Variants in LIN7C observed in about 807,000 individuals in gnomAD.
The protein encoded by LIN7C is protein lin-7 homolog C.
Under a neutral mutation model 24.7 loss-of-function variants are expected in LIN7C, and 17 were observed. The ratio of observed to expected loss-of-function variants is 0.69; its 90% confidence interval spans 0.47 to 1.03. LIN7C has a LOEUF of 1.03. Among genes scored for constraint, LIN7C ranks in the 50% least tolerant of loss-of-function variants. LIN7C has a pLI of 0.00. For missense variants in LIN7C, 204 were observed against 239.0 expected (o/e 0.85, Z 0.97); for synonymous variants, 90 against 83.4 (o/e 1.08, Z -0.43).
chr11:27,495,495 C>CA lies in LIN7C; in HGVS notation c.*3153dup, dbSNP rs1458332474. Reference sequence around the variant, plus strand: ...CTCAAAAAAAAACAAAAACAAAAAACAAAAAAAAAATTTGAATCGTCAAAT... The same window carrying CA: ...CTCAAAAAAAAACAAAAACAAAAAACAAAAAAAAAAATTTGAATCGTCAAAT... On this transcript the variant is annotated 3_prime_UTR_variant, in exon 5 of 5. Coordinates refer to ENST00000278193, the MANE Select transcript of LIN7C (RefSeq NM_018362.4). 28 of 146,530 alleles carry CA rather than the reference C, an allele frequency of 1.9e-4. No individual in the cohort carries two copies. The highest frequency in any genetic ancestry group is 2.7e-4 in the Non-Finnish European group (18 of 66,286). The allele number at this position is 146,530 out of a possible 1,614,324, so 9.1% of individuals were successfully genotyped here.
intron 1 of LIN7C, among the ~76,000 whole-genome samples, chr11:27,503,275 C>A (rs1342708350): frequency 2.0e-5 from 3 of 152,204 alleles, no homozygotes; most frequent in Admixed American, 6.5e-5. Flanking sequence ...TTCAGGAAGT[C>A]AGCTATAACA....
chr11:27,503,017 A>C (rs1269710778), intron 1 of LIN7C, among the ~76,000 whole-genome samples: 2 of 152,222 alleles, frequency 1.3e-5, no homozygotes, highest in African/African-American at 4.8e-5. Context: ...TGGGAGGCCG[A>C]GGCAGGAGAA....
intron 1 of LIN7C, among the ~76,000 whole-genome samples, chr11:27,503,802 A>G (rs1265933032): frequency 1.3e-5 from 2 of 150,364 alleles, no homozygotes; most frequent in Non-Finnish European, 3.0e-5. Context: ...TTGGGCCATC[A>G]CACCTGGCAG....
At chr11:27,500,206 A>AAAAC (rs1199150314) in intron 3 of LIN7C, among the ~76,000 whole-genome samples, 5 of 152,212 alleles carry the variant, frequency 3.3e-5, no homozygotes, top group Middle Eastern at 3.4e-3. Context: ...GGTAAGGAGG[A>AAAAC]AAACCCCTTC....
At position 27,498,676 on chromosome 11, in the gene LIN7C, T is replaced by C. The variant is rs1865193620; in HGVS notation, c.567A>G (p.Arg189=). 6.2e-7 allele frequency: 1 copy of C among 1,614,042 alleles called. No individual in the cohort carries two copies. Reference sequence around the variant, plus strand: ...AGGTCTGTTGCCTGCGTTTTGCTGATCTCATTTTTTCAAAGCGCGACTCCA... The same window carrying C: ...AGGTCTGTTGCCTGCGTTTTGCTGACCTCATTTTTTCAAAGCGCGACTCCA... ...EEMESRFEKM[R]SAKRRQQT Residue 189 remains arginine, a synonymous_variant, in exon 5 of 5, where the codon AGA becomes AGG. Coordinates refer to ENST00000278193, the MANE Select transcript of LIN7C (RefSeq NM_018362.4).
intron 1 of LIN7C, among the ~76,000 whole-genome samples, chr11:27,502,660 T>G (rs751545155): frequency 4.6e-5 from 7 of 152,212 alleles, no homozygotes; most frequent in Non-Finnish European, 8.8e-5. Context: ...ATGATGTCCT[T>G]ATGTCTCAGT....
At position 27,498,563 on chromosome 11, in the gene LIN7C, A is replaced by G. The variant is rs981155034; in HGVS notation, c.*86T>C. On this transcript the variant is annotated 3_prime_UTR_variant, in exon 5 of 5. Transcript: ENST00000278193. ...ATGATAAATTTGTTTGTTTTCTTACAATCATTGGCATTGCAGCCATTAGTA... is the reference window on the plus strand; with the variant it reads ...ATGATAAATTTGTTTGTTTTCTTACGATCATTGGCATTGCAGCCATTAGTA... The G allele has an allele frequency of 6.6e-5, 80 of 1,207,170 alleles. No individual in the cohort carries two copies. The African/African-American group carries it at 1.2e-3, about 18-fold the overall frequency. The allele number at this position is 1,207,170 out of a possible 1,614,324, so 74.8% of individuals were successfully genotyped here.
chr11:27,506,621 G>C, intron 1 of LIN7C, 95 bp downstream of exon 1: 1 of 1,417,044 alleles, frequency 7.1e-7, no homozygotes, highest in South Asian at 1.2e-5. Context: ...AGCGTGGCCC[G>C]GATCTCAGAG....
rs1394263418 is a variant in LIN7C at position 27,496,939 on chromosome 11, C to A, written c.*1710G>T. The A allele has an allele frequency of 2.0e-5, 3 of 152,476 alleles. No homozygotes were observed. Among genetic ancestry groups the A allele is most frequent in the Admixed American group, 2.0e-4 (3 of 15,262 alleles). The allele number at this position is 152,476 out of a possible 1,614,324, so 9.4% of individuals were successfully genotyped here. A position where few individuals can be genotyped will look rare whatever the true frequency, so the allele number is the denominator to read the frequency against. ...AATATATAAAGCTCTACAACAAATA[C>A]CTCTAATAATTTTACAATTAAATTA... On this transcript the variant is annotated 3_prime_UTR_variant, in exon 5 of 5. Coordinates refer to ENST00000278193, the MANE Select transcript of LIN7C (RefSeq NM_018362.4).
At position 27,496,767 on chromosome 11, in the gene LIN7C, A is replaced by G. The variant is rs1409883233; in HGVS notation, c.*1882T>C. The G allele has an allele frequency of 2.0e-5, 3 of 152,204 alleles. No homozygotes were observed. Among genetic ancestry groups the G allele is most frequent in the Non-Finnish European group, 4.4e-5 (3 of 68,012 alleles). 9.4% of individuals were successfully genotyped at this position (152,204 alleles called of 1,614,324 possible). On this transcript the variant is annotated 3_prime_UTR_variant, in exon 5 of 5. Coordinates refer to ENST00000278193, the MANE Select transcript of LIN7C (RefSeq NM_018362.4). ...ACACAGAACCAGGAAGCTATAATTT[A>G]TAATGAAATGTTGATACATACTTAA...
chr11:27,495,015 T>C lies in LIN7C; in HGVS notation c.*3634A>G, dbSNP rs140717423. On this transcript the variant is annotated 3_prime_UTR_variant, in exon 5 of 5. Coordinates refer to ENST00000278193, the MANE Select transcript of LIN7C (RefSeq NM_018362.4). Reference sequence around the variant, plus strand: ...AGTTTTTTAAGTCTACACCAGGTCATGCTGACATTCTTTTTGGATAAGCCA... The same window carrying C: ...AGTTTTTTAAGTCTACACCAGGTCACGCTGACATTCTTTTTGGATAAGCCA... 1.3e-5 allele frequency: 2 copies of C among 152,806 alleles called. No individual in the cohort carries two copies. The highest frequency in any genetic ancestry group is 3.9e-4 in the East Asian group (2 of 5,190). The allele number at this position is 152,806 out of a possible 1,614,324, so 9.5% of individuals were successfully genotyped here.
rs1190994058 is a variant in LIN7C at position 27,495,662 on chromosome 11, G to GT, written c.*2986dup. 1 of 151,252 alleles carries GT rather than the reference G, an allele frequency of 6.6e-6. No homozygotes were observed. The highest frequency in any genetic ancestry group is 2.4e-5 in the African/African-American group (1 of 41,080). The allele number at this position is 151,252 out of a possible 1,614,324, so 9.4% of individuals were successfully genotyped here. A position where few individuals can be genotyped will look rare whatever the true frequency, so the allele number is the denominator to read the frequency against. On this transcript the variant is annotated 3_prime_UTR_variant, in exon 5 of 5. Transcript: ENST00000278193. The stretch of plus-strand genomic sequence containing the variant: ...TCTCAAATAACAAACACGTATTTTT[G>GT]TAAGTTTTAAAGGCAAAGGGGGCAG...
In LIN7C at chr11:27,498,801, C is replaced by T; in HGVS notation, c.442G>A (p.Val148Ile). The change falls in exon 5 of 5, where the codon GTT (valine) becomes ATT (isoleucine). Residue 148 changes from valine to isoleucine, a missense_variant. Physicochemically the swap from Val to Ile is conservative, Grantham distance 29 (BLOSUM62 3). This residue lies in a region of LIN7C where 74 missense variants were observed against 99.6 expected (regional missense o/e 0.74). Coordinates refer to ENST00000278193, the MANE Select transcript of LIN7C (RefSeq NM_018362.4). ...DQLLSVNGVS[V>I]EGEHHEKAVE... ...GCTTTTTCATGATGTTCTCCTTCAA[C>T]ACTCTAGGGGAAAAAAAAACAACCA... 1 of 1,612,728 alleles carries T rather than the reference C, an allele frequency of 6.2e-7. No homozygotes were observed. The highest frequency in any genetic ancestry group is 8.5e-7 in the Non-Finnish European group (1 of 1,179,454).
intron 3 of LIN7C, among the ~76,000 whole-genome samples, chr11:27,500,995 T>C (rs1865219266): frequency 6.6e-6 from 1 of 152,136 alleles, no homozygotes. Context: ...ACCTAAATTA[T>C]TTGAGGAAAA....
intron 1 of LIN7C, 144 bp downstream of exon 1, chr11:27,506,570 GCA>G (rs1865303272): frequency 3.6e-6 from 3 of 831,354 alleles, no homozygotes; most frequent in Admixed American, 2.0e-5. Context: ...CTAGAGCCAG[GCA>G]CAGAGACAAC....
chr11:27,506,716 C>T lies in LIN7C; in HGVS notation c.37G>A (p.Asp13Asn). The T allele has an allele frequency of 6.2e-7, 1 of 1,614,068 alleles. No homozygotes were observed. Among genetic ancestry groups the T allele is most frequent in the Non-Finnish European group, 8.5e-7 (1 of 1,180,012 alleles). ...ALGEPVRLER[D>N]ICRAIELLEK... ...TCCGCCGAGCCTCGGCTGCACTCAC[C>T]TCTCTCCAGCCGCACGGGTTCCCCT... Residue 13 changes from aspartate (D) to asparagine (N), a missense_variant and splice_region_variant, in exon 1 of 5, where the codon GAT becomes AAT. Asp to Asn is a conservative substitution (Grantham distance 23). Coordinates refer to ENST00000278193, the MANE Select transcript of LIN7C (RefSeq NM_018362.4).
In LIN7C at chr11:27,494,557, A is replaced by G. The variant is rs966458707; in HGVS notation, c.*4092T>C. The stretch of plus-strand genomic sequence containing the variant: ...TGTGTAGTTATATCAACTTTTTTCA[A>G]ATCCAAAGAACGAGGACATAACTCA... On this transcript the variant is annotated 3_prime_UTR_variant, in exon 5 of 5. Transcript: ENST00000278193. 3 of 152,200 alleles carry G rather than the reference A, an allele frequency of 2.0e-5. No homozygotes were observed. The highest frequency in any genetic ancestry group is 2.9e-5 in the Non-Finnish European group (2 of 68,028). 9.4% of individuals were successfully genotyped at this position (152,200 alleles called of 1,614,324 possible).
intron 3 of LIN7C, among the ~76,000 whole-genome samples, chr11:27,500,698 G>C (rs115249528): frequency 1.3e-5 from 2 of 152,008 alleles, no homozygotes; most frequent in Non-Finnish European, 2.9e-5. Context: ...CGTTATCTTC[G>C]AAGCTCTGAA....
intron 1 of LIN7C, among the ~76,000 whole-genome samples, chr11:27,502,143 T>G (rs920590612): frequency 6.6e-6 from 1 of 152,126 alleles, no homozygotes; most frequent in African/African-American, 2.4e-5. Context: ...TTACAGTAGA[T>G]AGGAAAAACT....
Sources: allele counts gnomAD v4.1 joint callset (sites outside exome capture counted in the v4.1 genomes callset), GRCh38; gene constraint gnomAD v4.1.1; regional missense constraint gnomAD v4.1.1; transcripts MANE v1.5; gene names NCBI Gene and HGNC (gene_info 2026-07-23, HGNC 2026-07-21).